RANBP1: variants seen among roughly 807,000 people sequenced by gnomAD.
RANBP1 encodes the protein ran-specific GTPase-activating protein.
Under a neutral mutation model 31.4 loss-of-function variants are expected in RANBP1, and 16 were observed. The observed-to-expected ratio is 0.51, with a 90% CI of 0.34 to 0.77. The LOEUF is 0.77. Among genes scored for constraint, RANBP1 ranks in the 30% least tolerant of loss-of-function variants. The pLI is 0.01. For missense variants in RANBP1, 265 were observed against 362.0 expected, an observed-to-expected ratio of 0.73 and a Z score of 2.17; for synonymous variants, 129 against 140.5, an observed-to-expected ratio of 0.92 and a Z score of 0.58.
At chr22:20,126,565 G>T (rs1225350204) in intron 5 of RANBP1, 197 bp downstream of exon 5, 3 of 1,554,632 alleles carry the variant, frequency 1.9e-6, no homozygotes, top group Non-Finnish European at 2.6e-6. Context: ...AGTGTTGCTG[G>T]CCTCAGTCCA....
chr22:20,126,238 C>G, intron 4 of RANBP1, 65 bp from the exon 5 acceptor site: 1 of 1,551,486 alleles, frequency 6.4e-7, no homozygotes, highest in Non-Finnish European at 8.7e-7. Context: ...ACTCTTCAGA[C>G]CCGGCAGGGC....
intron 3 of RANBP1, 101 bp downstream of exon 3, chr22:20,122,522 A>C: frequency 6.3e-7 from 1 of 1,589,064 alleles, no homozygotes; most frequent in Non-Finnish European, 8.6e-7. Context: ...GTGTTATTTC[A>C]TGGAGTGCAA....
intron 1 of RANBP1, chr22:20,116,749 C>T: frequency 7.1e-7 from 1 of 1,405,230 alleles, no homozygotes; most frequent in Non-Finnish European, 9.7e-7. Context: ...TCTACCCTCC[C>T]GACCCCATTC....
At chr22:20,125,138 ACTC>A (rs1271497876) in intron 3 of RANBP1, 167 bp from the exon 4 acceptor site, 2 of 686,474 alleles carry the variant, frequency 2.9e-6, no homozygotes, top group African/African-American at 3.7e-5. Context: ...TTTGAATAAA[ACTC>A]AGGCGCCGTG....
At chr22:20,116,676 TTCCTTATGGGAC>T in intron 1 of RANBP1, 1 of 1,495,350 alleles carries the variant, frequency 6.7e-7, no homozygotes, top group East Asian at 2.3e-5. Context: ...CCCCCCAAGC[TTCCTTATGGGAC>T]ACCCAGACCT....
At chr22:20,117,434 C>T (rs2050061233) in intron 1 of RANBP1, 4 of 1,196,874 alleles carry the variant, frequency 3.3e-6, no homozygotes, top group Admixed American at 4.7e-5. Flanking sequence ...GAGTGTCCGC[C>T]TCCTGAGCCA....
intron 1 of RANBP1, chr22:20,117,501 C>T: frequency 8.3e-7 from 1 of 1,205,820 alleles, no homozygotes; most frequent in Non-Finnish European, 1.0e-6. Context: ...GGTCAGGGGT[C>T]GAGGTTCGGG....
rs141646844 is a variant in RANBP1 at position 20,125,718 on chromosome 22, G to A, written c.670+282G>A. 4.6e-3 allele frequency: 5,805 copies of A among 1,259,394 alleles called. 13 individuals are homozygous for A. Among genetic ancestry groups the A allele is most frequent in the Admixed American group, 5.8e-3 (184 of 31,526 alleles). 78.0% of individuals were successfully genotyped at this position (1,259,394 alleles called of 1,614,324 possible). Reference sequence around the variant, plus strand: ...CACTTTGGTTTGCTCTCCAAGCTCCGGTTCCCATTAGTTGTTGCGGAGCCT... The same window carrying A: ...CACTTTGGTTTGCTCTCCAAGCTCCAGTTCCCATTAGTTGTTGCGGAGCCT... On this transcript the variant is annotated intron_variant, in intron 4 of 5. Coordinates refer to ENST00000430524, the MANE Select transcript of RANBP1 (RefSeq NM_001278639.2).
At chr22:20,116,607 C>T (rs370153967) in intron 1 of RANBP1, 177 bp downstream of exon 1, 22 of 1,537,988 alleles carry the variant, frequency 1.4e-5, no homozygotes, top group South Asian at 1.4e-4. Context: ...CCATGGGCTT[C>T]GGGCCCTGTG....
intron 1 of RANBP1, 83 bp from the exon 2 acceptor site, chr22:20,118,930 G>A (rs1335349100): frequency 7.0e-7 from 1 of 1,425,664 alleles, no homozygotes; most frequent in African/African-American, 1.4e-5. Context: ...TTGTCGGAGG[G>A]CTGACCACTG....
intron 5 of RANBP1, chr22:20,126,653 C>G (rs757668939): frequency 6.6e-7 from 1 of 1,513,552 alleles, no homozygotes; most frequent in Non-Finnish European, 8.9e-7. Flanking sequence ...GTTTGTCTCT[C>G]AGAGGGCTTG....
At chr22:20,125,584 T>C in intron 4 of RANBP1, 148 bp downstream of exon 4, 1 of 1,527,542 alleles carries the variant, frequency 6.5e-7, no homozygotes, top group Non-Finnish European at 8.8e-7. Flanking sequence ...CCCTGCTGTT[T>C]GGGGGCCATG....
chr22:20,124,574 C>A lies in RANBP1; in HGVS notation c.542-734C>A, dbSNP rs986279767. On this transcript the variant is annotated intron_variant, in intron 3 of 5. Transcript: ENST00000430524. ...GGGAGCTGTTCTGAAGAGTGGTCAC[C>A]TGCAGGGCCATCTCCCCTTGGGGCT... The A allele has an allele frequency of 5.2e-5, 8 of 153,222 alleles. 1 individual carries two copies. The highest frequency in any genetic ancestry group is 1.9e-4 in the African/African-American group (8 of 41,416). 9.5% of individuals were successfully genotyped at this position (153,222 alleles called of 1,614,324 possible). A position where few individuals can be genotyped will look rare whatever the true frequency, so the allele number is the denominator to read the frequency against.
At chr22:20,122,668 G>C in intron 3 of RANBP1, 2 of 1,452,566 alleles carry the variant, frequency 1.4e-6, no homozygotes, top group South Asian at 2.4e-5. Context: ...ATGGGAGGAC[G>C]CAGCGCCCAG....
At chr22:20,125,581 G>C (rs1195704530) in intron 4 of RANBP1, 145 bp downstream of exon 4, 1 of 1,528,278 alleles carries the variant, frequency 6.5e-7, no homozygotes, top group Admixed American at 2.0e-5. Flanking sequence ...CTGCCCTGCT[G>C]TTTGGGGGCC....
At chr22:20,122,880 T>C (rs1406585059) in intron 3 of RANBP1, among the ~76,000 whole-genome samples, 7 of 119,968 alleles carry the variant, frequency 5.8e-5, no homozygotes, top group Admixed American at 8.9e-5. Context: ...TCGGTGTGTG[T>C]GGTGTCTGGG....
At chr22:20,122,751 G>GTGTGTT in intron 3 of RANBP1, 1 of 1,067,180 alleles carries the variant, frequency 9.4e-7, no homozygotes, top group South Asian at 2.0e-5. Context: ...GTGTGTGTGT[G>GTGTGTT]TGTGTGTGTG....
chr22:20,119,421 T>G, intron 2 of RANBP1: 2 of 425,826 alleles, frequency 4.7e-6, no homozygotes, highest in Non-Finnish European at 8.5e-6. Flanking sequence ...TTTTTGCCAC[T>G]GGCTTCTGAG....
At chr22:20,118,408 A>AT (rs2050096544) in intron 1 of RANBP1, 1 of 930,764 alleles carries the variant, frequency 1.1e-6, no homozygotes, top group Admixed American at 6.2e-5. Context: ...CACCGGTACA[A>AT]TTTATCTAGT....
Sources: allele counts gnomAD v4.1 joint callset (sites outside exome capture counted in the v4.1 genomes callset), GRCh38; gene constraint gnomAD v4.1.1; transcripts MANE v1.5; gene names NCBI Gene and HGNC (gene_info 2026-07-23, HGNC 2026-07-21).